CD300A: variants seen among roughly 807,000 people sequenced by gnomAD.
CD300A encodes the protein CD300a molecule.
In CD300A, 22 loss-of-function variants were observed where a neutral mutation model predicts 33.6. The ratio of observed to expected loss-of-function variants is 0.66; its 90% CI spans 0.47 to 0.94. CD300A has a LOEUF of 0.94. CD300A is among the 40% of genes least tolerant of loss of function. The pLI, the probability that CD300A is intolerant of heterozygous loss-of-function variation, is 0.00. For missense variants in CD300A, 326 were observed against 360.5 expected, an observed-to-expected ratio of 0.90 and a Z score of 0.77; for synonymous variants, 136 against 148.1, an observed-to-expected ratio of 0.92 and a Z score of 0.59.
intron 5 of CD300A, 173 bp downstream of exon 5, chr17:74,481,499 G>T: frequency 1.5e-6 from 1 of 680,762 alleles, no homozygotes; most frequent in South Asian, 1.8e-5. Context: ...CTGAGTCCTG[G>T]CCAGCCTGTC....
chr17:74,481,481 G>A, intron 5 of CD300A, 155 bp downstream of exon 5: 1 of 723,124 alleles, frequency 1.4e-6, no homozygotes, highest in East Asian at 2.7e-5. Flanking sequence ...TGGTCACTAG[G>A]TCTTGTTCTG....
At chr17:74,476,143 C>T (rs1906447782) in intron 3 of CD300A, among the ~76,000 whole-genome samples, 1 of 152,200 alleles carries the variant, frequency 6.6e-6, no homozygotes, top group Admixed American at 6.5e-5. Context: ...CCTCCAGTCC[C>T]TCTTTGGGAG....
At chr17:74,481,568 G>A (rs1052765192) in intron 5 of CD300A, 158 bp from the exon 6 acceptor site, 1 of 667,468 alleles carries the variant, frequency 1.5e-6, no homozygotes, top group African/African-American at 1.8e-5. Context: ...CTGACCTGGG[G>A]AACATTAAAC....
intron 2 of CD300A, 96 bp from the exon 3 acceptor site, chr17:74,474,436 T>C: frequency 1.6e-6 from 2 of 1,237,860 alleles, no homozygotes; most frequent in Non-Finnish European, 2.3e-6. Flanking sequence ...CCTTCCTTAG[T>C]GGGCAGTTTG....
At chr17:74,466,592 C>A (rs911398947), upstream of CD300A, 2 of 1,228,412 alleles carry the variant, frequency 1.6e-6, no homozygotes, top group Non-Finnish European at 2.3e-6. Context: ...AACAAGGAAG[C>A]AGCGCGGCAC....
At chr17:74,472,665 A>G (rs1308903369) in intron 1 of CD300A, among the ~76,000 whole-genome samples, 1 of 149,840 alleles carries the variant, frequency 6.7e-6, no homozygotes, top group Non-Finnish European at 1.5e-5. Flanking sequence ...GCTGGAGTGC[A>G]GTGGTGCCAT....
At chr17:74,476,879 C>T (rs1233997086) in intron 3 of CD300A, among the ~76,000 whole-genome samples, 1 of 152,086 alleles carries the variant, frequency 6.6e-6, no homozygotes, top group Non-Finnish European at 1.5e-5. Context: ...ACGAGGCCTC[C>T]TTTGTGTGAA....
At chr17:74,469,873 C>A in intron 1 of CD300A, 1 of 736,796 alleles carries the variant, frequency 1.4e-6, no homozygotes, top group Non-Finnish European at 1.7e-6. Context: ...ACAAAAAAAT[C>A]CATTTATTAA....
chr17:74,479,322 G>A (rs1340648325), intron 4 of CD300A, among the ~76,000 whole-genome samples: 5 of 151,620 alleles, frequency 3.3e-5, no homozygotes, highest in East Asian at 3.9e-4. Flanking sequence ...CTCCAGCCTC[G>A]ACCCCCCACT....
chr17:74,481,231 T>C lies in CD300A; in HGVS notation c.629-58T>C, dbSNP rs1316168771. ...GCCTTTTCCCAGAAGGCTTGTAAGG[T>C]CCTCCATCCTGGCCATTGTTCCGGG... is the stretch of plus-strand genomic sequence containing the variant. On this transcript the variant is annotated intron_variant, in intron 4 of 6. Transcript: ENST00000360141. 1.7e-5 allele frequency: 26 copies of C among 1,549,616 alleles called. No individual in the cohort carries two copies. The East Asian group carries it at 5.2e-4, about 31-fold the overall frequency.
Position 74,481,743 on chromosome 17 carries a change from G to A in CD300A, c.684G>A (p.Glu228=). The A allele has an allele frequency of 6.2e-7, 1 of 1,611,358 alleles. No individual in the cohort carries two copies. Among genetic ancestry groups the A allele is most frequent in the Non-Finnish European group, 8.5e-7 (1 of 1,179,156 alleles). ...QNPKQAATQS[E]LHYANLELLM... is the part of the protein sequence containing the mutation. ...CCACCCAGGCTGCCACGCAGAGTGA[G>A]CTGCACTACGCAAATCTGGAGCTGC... is the stretch of plus-strand genomic sequence containing the variant. The change falls in exon 6 of 7, where the codon GAG becomes GAA. Residue 228 remains glutamate, a synonymous_variant. Coordinates refer to ENST00000360141, the MANE Select transcript of CD300A (RefSeq NM_007261.4).
At chr17:74,466,605 AGAAAAGCAGAAGTC>A (rs548304846), upstream of CD300A, 4,450 of 1,361,960 alleles carry the variant, frequency 3.3e-3, 36 homozygotes, top group South Asian at 0.016. Context: ...CGCGGCACCA[AGAAAAGCAGAAGTC>A]GGGGCCTTGG....
At chr17:74,469,842 ATAAT>A (rs1905977256) in intron 1 of CD300A, 3 of 491,454 alleles carry the variant, frequency 6.1e-6, no homozygotes, top group African/African-American at 4.2e-5. Context: ...ATGAAATAAA[ATAAT>A]TAATCATTTA....
chr17:74,467,405 G>C (rs183473634), intron 1 of CD300A, among the ~76,000 whole-genome samples: 66 of 152,274 alleles, frequency 4.3e-4, no homozygotes, highest in Middle Eastern at 6.8e-3. Context: ...CCAAGAAGGG[G>C]ATATGGGACA....
At chr17:74,466,498 T>A (rs1340147377), upstream of CD300A, 1 of 612,602 alleles carries the variant, frequency 1.6e-6, no homozygotes, top group East Asian at 2.8e-5. Flanking sequence ...AAGGAGGACG[T>A]GCCGTTTCTA....
In CD300A at chr17:74,481,779, T is replaced by C. The variant is rs568492856; in HGVS notation, c.720T>C (p.Pro240=). The C allele has an allele frequency of 2.5e-6, 4 of 1,613,224 alleles. No individual in the cohort carries two copies. The East Asian group carries it at 6.7e-5, about 27-fold the overall frequency. The change falls in exon 6 of 7, where the codon CCT becomes CCC. Residue 240 remains proline (P), a synonymous_variant. Transcript: ENST00000360141. ...CAAATCTGGAGCTGCTGATGTGGCC[T>C]CTGCAGGAAAAGCCAGCACCACCAA... ...HYANLELLMW[P]LQEKPAPPRE... is the part of the protein sequence containing the mutation.
chr17:74,484,236 C>A lies in CD300A; in HGVS notation c.*110C>A. On this transcript the variant is annotated 3_prime_UTR_variant, in exon 7 of 7. Coordinates refer to ENST00000360141, the MANE Select transcript of CD300A (RefSeq NM_007261.4). ...TCAGCCTGCCCTCGACAACAGTGAC[C>A]AACAGACAGGCAGCTGGGTTTCCCA... is the stretch of plus-strand genomic sequence containing the variant. 8.3e-7 allele frequency: 1 copy of A among 1,211,768 alleles called. No homozygotes were observed. Among genetic ancestry groups the A allele is most frequent in the Non-Finnish European group, 1.2e-6 (1 of 865,670 alleles). 75.1% of individuals were successfully genotyped at this position (1,211,768 alleles called of 1,614,324 possible).
Position 74,466,706 on chromosome 17 carries a change from GTGGCTGCCT to G in CD300A, c.7_15del (p.Leu3_Trp5del), listed in dbSNP as rs750306776. 2.5e-6 allele frequency: 4 copies of G among 1,596,846 alleles called. No individual in the cohort carries two copies. In the South Asian group the frequency reaches 4.5e-5, roughly 18 times the overall value. ...CCGCCTGTGCTGGGGAAGGGACCAT[GTGGCTGCCT>G]TGGGCTCTGTTGCTTCTCTGGGTCC... On this transcript the variant is annotated inframe_deletion, in exon 1 of 7. Coordinates refer to ENST00000360141, the MANE Select transcript of CD300A (RefSeq NM_007261.4).
chr17:74,470,579 A>T (rs896185210), intron 1 of CD300A, among the ~76,000 whole-genome samples: 1 of 152,076 alleles, frequency 6.6e-6, no homozygotes, highest in Non-Finnish European at 1.5e-5. Context: ...AGCCCAGGAG[A>T]GGCAGGGAAT....
Sources: gnomAD v4.1 joint callset for allele counts (sites outside exome capture counted in the v4.1 genomes callset) on GRCh38, gnomAD v4.1.1 for gene constraint, MANE v1.5 for transcripts, NCBI Gene and HGNC (gene_info 2026-07-23, HGNC 2026-07-21) for gene names.